MEGF11: variants seen among roughly 807,000 people sequenced by gnomAD.
The protein encoded by MEGF11 is multiple EGF like domains 11, also known as multiple epidermal growth factor-like domains protein 11.
MEGF11 carries 126 observed loss-of-function variants against 146.6 expected under a neutral mutation model. The observed-to-expected ratio is 0.86, with a 90% CI of 0.74 to 1.00. The LOEUF is 1.00. Ranked by LOEUF, MEGF11 falls within the 50% of genes least tolerant of loss-of-function variation. MEGF11 has a pLI of 0.00. For missense variants in MEGF11, 1,509 were observed against 1,521.2 expected (o/e 0.99, Z 0.13); for synonymous variants, 532 against 583.4 (o/e 0.91, Z 1.27).
At chr15:66,139,729 C>T (rs919048065) in intron 1 of MEGF11, among the ~76,000 whole-genome samples, 1 of 152,246 alleles carries the variant, frequency 6.6e-6, no homozygotes. Flanking sequence ...TCTGTTTTGT[C>T]TGGGGGCATG....
chr15:66,000,186 A>G (rs1346741998), intron 5 of MEGF11, among the ~76,000 whole-genome samples: 1 of 152,152 alleles, frequency 6.6e-6, no homozygotes, highest in African/African-American at 2.4e-5. Context: ...GTGGAGTGAC[A>G]GGTGCTTGCT....
intron 7 of MEGF11, among the ~76,000 whole-genome samples, chr15:65,974,116 T>A (rs1465926345): frequency 6.6e-6 from 1 of 152,194 alleles, no homozygotes; most frequent in Non-Finnish European, 1.5e-5. Flanking sequence ...TAAGCACCAA[T>A]AATCACCAAC....
chr15:65,961,426 A>T (rs900034429), intron 9 of MEGF11, among the ~76,000 whole-genome samples: 3 of 152,222 alleles, frequency 2.0e-5, no homozygotes, highest in African/African-American at 7.2e-5. Context: ...TCAATGCTGC[A>T]TCTGTTGGCT....
At chr15:66,082,509 C>A (rs577885306) in intron 5 of MEGF11, among the ~76,000 whole-genome samples, 2,806 of 100,998 alleles carry the variant, frequency 0.028, 54 homozygotes, top group Middle Eastern at 0.043. Flanking sequence ...ATCTATCTAT[C>A]TATCTATAAA....
chr15:66,027,356 GTAC>G (rs1443495233), intron 5 of MEGF11, among the ~76,000 whole-genome samples: 2 of 152,240 alleles, frequency 1.3e-5, no homozygotes, highest in African/African-American at 2.4e-5. Context: ...TTATGCCTGA[GTAC>G]CAGTGACCAC....
At chr15:66,113,151 C>T (rs2087524733) in intron 4 of MEGF11, among the ~76,000 whole-genome samples, 1 of 152,166 alleles carries the variant, frequency 6.6e-6, no homozygotes, top group Admixed American at 6.5e-5. Context: ...AACCAGAGTC[C>T]ACCCGTGAGG....
intron 1 of MEGF11, among the ~76,000 whole-genome samples, chr15:66,210,350 G>C (rs2091412861): frequency 6.6e-6 from 1 of 152,208 alleles, no homozygotes; most frequent in African/African-American, 2.4e-5. Context: ...CTGAGAGTGA[G>C]TGCTTCCTTA....
At chr15:65,952,916 C>T (rs957405466) in intron 10 of MEGF11, among the ~76,000 whole-genome samples, 1 of 152,228 alleles carries the variant, frequency 6.6e-6, no homozygotes, top group Non-Finnish European at 1.5e-5. Context: ...TGCCCAGGCT[C>T]TCTTCCCACC....
intron 5 of MEGF11, among the ~76,000 whole-genome samples, chr15:66,021,375 G>T (rs2083127285): frequency 6.6e-6 from 1 of 152,208 alleles, no homozygotes; most frequent in South Asian, 2.1e-4. Flanking sequence ...TCTTTTATAT[G>T]TATGAGTCTT....
At chr15:66,078,866 T>G (rs1420048866) in intron 5 of MEGF11, among the ~76,000 whole-genome samples, 1 of 152,220 alleles carries the variant, frequency 6.6e-6, no homozygotes, top group Non-Finnish European at 1.5e-5. Context: ...TTATTCATTT[T>G]GTTCTCAGGG....
At chr15:65,946,307 A>G (rs992811978) in intron 10 of MEGF11, among the ~76,000 whole-genome samples, 1 of 152,210 alleles carries the variant, frequency 6.6e-6, no homozygotes, top group Non-Finnish European at 1.5e-5. Flanking sequence ...CAGGAGGTGA[A>G]TGGCAAGGCT....
At chr15:66,046,907 G>A (rs1330587833) in intron 5 of MEGF11, among the ~76,000 whole-genome samples, 5 of 152,182 alleles carry the variant, frequency 3.3e-5, no homozygotes, top group Non-Finnish European at 5.9e-5. Flanking sequence ...ATCACTGTGA[G>A]GAATGGGGAC....
chr15:65,917,240 A>G (rs1258297516), intron 16 of MEGF11, among the ~76,000 whole-genome samples: 1 of 151,980 alleles, frequency 6.6e-6, no homozygotes, highest in African/African-American at 2.4e-5. Context: ...CTCTCAGGGG[A>G]CTGATTTGGA....
chr15:66,176,296 C>T (rs918236377), intron 1 of MEGF11, among the ~76,000 whole-genome samples: 1 of 152,146 alleles, frequency 6.6e-6, no homozygotes, highest in Non-Finnish European at 1.5e-5. Flanking sequence ...ATCCACCAGT[C>T]CCACTGCTGG....
intron 25 of MEGF11, 83 bp downstream of exon 25, chr15:65,898,645 G>A: frequency 1.3e-6 from 2 of 1,578,762 alleles, no homozygotes; most frequent in Admixed American, 3.5e-5. Flanking sequence ...GGTCAAGGTG[G>A]GGTGAGTGGA....
At chr15:66,126,696 G>C (rs1477801) in intron 2 of MEGF11, among the ~76,000 whole-genome samples, 84,511 of 151,892 alleles carry the variant, frequency 0.56, 23,686 homozygotes, top group South Asian at 0.69. Context: ...CAGGAAGCAG[G>C]TGTGTCTTAA....
At chr15:66,154,854 T>C (rs939578239) in intron 1 of MEGF11, among the ~76,000 whole-genome samples, 2 of 152,210 alleles carry the variant, frequency 1.3e-5, no homozygotes, top group Admixed American at 6.5e-5. Flanking sequence ...GGGAGGCAGC[T>C]ATGTTCCAAC....
intron 1 of MEGF11, among the ~76,000 whole-genome samples, chr15:66,222,839 C>T (rs552809153): frequency 1.3e-5 from 2 of 152,344 alleles, no homozygotes; most frequent in Admixed American, 1.3e-4. Context: ...CAGATAATAA[C>T]AAATGCTGAT....
chr15:65,962,545 T>C (rs1370819438), intron 9 of MEGF11, among the ~76,000 whole-genome samples: 1 of 152,162 alleles, frequency 6.6e-6, no homozygotes, highest in African/African-American at 2.4e-5. Flanking sequence ...TAACTTCAAC[T>C]GAACAAAAAC....
Sources: gnomAD v4.1 joint callset for allele counts (sites outside exome capture counted in the v4.1 genomes callset) on GRCh38, gnomAD v4.1.1 for gene constraint, MANE v1.5 for transcripts, NCBI Gene and HGNC (gene_info 2026-07-23, HGNC 2026-07-21) for gene names.